ANKFN1: variants seen among roughly 807,000 people sequenced by gnomAD.
ANKFN1 encodes the protein ankyrin repeat and fibronectin type III domain containing 1, also known as ankyrin repeat and fibronectin type-III domain-containing protein 1.
ANKFN1 carries 74 observed loss-of-function variants against 108.7 expected under a neutral mutation model. The ratio of observed to expected loss-of-function variants is 0.68; its 90% confidence interval spans 0.56 to 0.83. ANKFN1 has a LOEUF of 0.83. Ranked by LOEUF, ANKFN1 falls within the 40% of genes least tolerant of loss-of-function variation. ANKFN1 has a pLI of 0.00. For missense variants in ANKFN1, 1,505 were observed against 1,382.3 expected, an observed-to-expected ratio of 1.09 and a Z score of -1.41; for synonymous variants, 547 against 516.2, an observed-to-expected ratio of 1.06 and a Z score of -0.81.
At chr17:56,428,199 A>G (rs1307376653) in intron 8 of ANKFN1, among the ~76,000 whole-genome samples, 1 of 151,518 alleles carries the variant, frequency 6.6e-6, no homozygotes, top group African/African-American at 2.4e-5. Flanking sequence ...GCACCACTGC[A>G]CTCCAGCCTG....
At position 56,510,663 on chromosome 17, in the gene ANKFN1, G is replaced by A; in HGVS notation, c.2835G>A (p.Val945=). The A allele has an allele frequency of 6.5e-7, 1 of 1,536,172 alleles. No homozygotes were observed. The highest frequency in any genetic ancestry group is 1.2e-5 in the South Asian group (1 of 84,064). The change falls in exon 21 of 21, where the codon GTG becomes GTA. Residue 945 remains valine, a synonymous_variant. Coordinates refer to ENST00000682825, the MANE Select transcript of ANKFN1 (RefSeq NM_001370326.1). ...SAPDVLQVHD[V]KTPLGPGQDP... ...CCGACGTCCTGCAAGTGCACGACGT[G>A]AAAACCCCTCTGGGGCCGGGCCAGG... is the stretch of plus-strand genomic sequence containing the variant.
rs369700399 is a variant in ANKFN1, at chr17:56,123,155, C to A, written c.288+76830C>A. ...GTTAGGTAACGTGCTCAAGGTCACA[C>A]AATAAGTGGCTAAATATGTGGTCAG... is the stretch of plus-strand genomic sequence containing the variant. On this transcript the variant is annotated intron_variant, in intron 4 of 12. Coordinates refer to the ANKFN1 transcript ENST00000635860. 8.5e-4 allele frequency among the ~76,000 whole-genome samples: 130 copies of A among 152,328 alleles called. 1 individual carries two copies. The highest frequency in any genetic ancestry group is 2.8e-3 in the African/African-American group (117 of 41,586).
intron 3 of ANKFN1, among the ~76,000 whole-genome samples, chr17:56,293,480 C>T (rs956459302): frequency 5.9e-5 from 9 of 152,126 alleles, no homozygotes; most frequent in African/African-American, 2.2e-4. Flanking sequence ...TGAGTTATTC[C>T]AATGTATTCT....
intron 6 of ANKFN1, among the ~76,000 whole-genome samples, chr17:56,365,353 T>A (rs2046631464): frequency 6.6e-6 from 1 of 152,166 alleles, no homozygotes; most frequent in Non-Finnish European, 1.5e-5. Context: ...GTATTTTGAT[T>A]TATTTTGTGT....
At chr17:56,066,606 T>A (rs74868656) in intron 4 of ANKFN1, among the ~76,000 whole-genome samples, 1 of 152,196 alleles carries the variant, frequency 6.6e-6, no homozygotes, top group Non-Finnish European at 1.5e-5. Flanking sequence ...ATGCATAACA[T>A]GACGTGTATC....
At chr17:56,158,841 G>A (rs969072351) in intron 1 of ANKFN1, among the ~76,000 whole-genome samples, 1 of 152,084 alleles carries the variant, frequency 6.6e-6, no homozygotes, top group African/African-American at 2.4e-5. Context: ...GAAGGTATGT[G>A]TGAAAGCTTT....
chr17:56,187,902 T>C (rs754020969), intron 1 of ANKFN1, among the ~76,000 whole-genome samples: 5 of 151,318 alleles, frequency 3.3e-5, no homozygotes, highest in Non-Finnish European at 5.9e-5. Flanking sequence ...TGGACACAGG[T>C]TGGGGAACAT....
intron 1 of ANKFN1, among the ~76,000 whole-genome samples, chr17:56,181,889 G>T (rs143417151): frequency 1.3e-5 from 2 of 152,060 alleles, no homozygotes; most frequent in Admixed American, 6.6e-5. Flanking sequence ...TGCTAACTTC[G>T]TATCTCTGTG....
chr17:56,318,708 A>G (rs942107631), intron 3 of ANKFN1, among the ~76,000 whole-genome samples: 3 of 152,146 alleles, frequency 2.0e-5, no homozygotes, highest in African/African-American at 7.2e-5. Context: ...TCCTTATTCC[A>G]CCAGCCAATC....
chr17:56,342,421 A>G (rs182297830), intron 4 of ANKFN1, among the ~76,000 whole-genome samples: 1 of 150,998 alleles, frequency 6.6e-6, no homozygotes, highest in African/African-American at 2.4e-5. Flanking sequence ...TAACTTCTTA[A>G]TGGGGGCACT....
chr17:56,227,808 TTC>T lies in ANKFN1; in HGVS notation c.13-101_13-100del, dbSNP rs971588641. On this transcript the variant is annotated intron_variant, in intron 2 of 20. Transcript: ENST00000682825. The stretch of plus-strand genomic sequence containing the variant: ...ATATATATTCATCTGTAGGCTAGGC[TTC>T]TCTCTCTTTTTTTTTTCAATCAGTG... The T allele has an allele frequency of 1.2e-4, 101 of 838,230 alleles. 2 individuals carry two copies. The South Asian group carries it at 1.3e-3, about 11-fold the overall frequency. 51.9% of individuals were successfully genotyped at this position (838,230 alleles called of 1,614,324 possible).
At chr17:56,091,074 C>T (rs1010160986) in intron 4 of ANKFN1, among the ~76,000 whole-genome samples, 3 of 151,098 alleles carry the variant, frequency 2.0e-5, no homozygotes, top group Non-Finnish European at 3.0e-5. Flanking sequence ...TTGTTTTCCT[C>T]CCAGAAGCTG....
At position 56,103,551 on chromosome 17, in the gene ANKFN1, T is replaced by C. The variant is rs188426206; in HGVS notation, c.288+57226T>C. ...GGCGACAGTGCTCCACCGAGTCCCA[T>C]TGGGTGTGTGGTTCTTCCATGAGGT... On this transcript the variant is annotated intron_variant, in intron 4 of 12. Transcript: ENST00000635860. Among the ~76,000 whole-genome samples the C allele has an allele frequency of 1.5e-3, 234 of 152,238 alleles. 1 individual carries two copies. The highest frequency in any genetic ancestry group is 5.4e-3 in the African/African-American group (226 of 41,544).
chr17:56,336,248 G>A (rs2045806901), intron 4 of ANKFN1, among the ~76,000 whole-genome samples: 1 of 152,136 alleles, frequency 6.6e-6, no homozygotes, highest in Admixed American at 6.6e-5. Context: ...GAGTTAAGGA[G>A]GATTCCCTCT....
intron 1 of ANKFN1, among the ~76,000 whole-genome samples, chr17:56,171,526 C>A (rs969158268): frequency 2.6e-5 from 4 of 152,286 alleles, no homozygotes; most frequent in Middle Eastern, 3.4e-3. Flanking sequence ...ACTACCTCTC[C>A]ATTTGTGTGA....
chr17:56,159,949 G>A (rs1319671907), intron 1 of ANKFN1, among the ~76,000 whole-genome samples: 1 of 151,904 alleles, frequency 6.6e-6, no homozygotes, highest in Admixed American at 6.6e-5. Flanking sequence ...CCAGGGGTGG[G>A]GGCAGGGCAG....
intron 3 of ANKFN1, among the ~76,000 whole-genome samples, chr17:56,264,437 C>T (rs1291971485): frequency 1.3e-5 from 2 of 152,198 alleles, no homozygotes; most frequent in Non-Finnish European, 2.9e-5. Context: ...CGCTATTTTT[C>T]AGCAGCTCTG....
At chr17:56,132,753 T>C (rs1479376750) in intron 4 of ANKFN1, among the ~76,000 whole-genome samples, 1 of 152,166 alleles carries the variant, frequency 6.6e-6, no homozygotes, top group Non-Finnish European at 1.5e-5. Flanking sequence ...TGCCGACTTC[T>C]GGCCATGTCC....
At chr17:56,493,446 A>C (rs924128931) in intron 19 of ANKFN1, among the ~76,000 whole-genome samples, 20 of 152,186 alleles carry the variant, frequency 1.3e-4, no homozygotes, top group Admixed American at 1.2e-3. Flanking sequence ...CAGATGAGGC[A>C]GACAGAGCAG....
Sources: gnomAD v4.1 joint callset for allele counts (sites outside exome capture counted in the v4.1 genomes callset) on GRCh38, gnomAD v4.1.1 for gene constraint, MANE v1.5 for transcripts, NCBI Gene and HGNC (gene_info 2026-07-23, HGNC 2026-07-21) for gene names.